The following CCDC93 variants were observed in gnomAD, a reference collection of about 807,000 sequenced individuals.
The protein encoded by CCDC93 is coiled-coil domain-containing protein 93.
In CCDC93, 61 loss-of-function variants were observed where a neutral mutation model predicts 108.2. That is an observed-to-expected ratio of 0.56 (90% CI 0.46 to 0.70). The LOEUF is 0.70. Ranked by LOEUF, CCDC93 falls within the 30% of genes least tolerant of loss-of-function variation. The probability of loss-of-function intolerance (pLI) is 0.00; values close to 1 mark genes in which losing one functional copy is unlikely to be tolerated. For synonymous variants in CCDC93, 276 were observed against 260.4 expected (o/e 1.06, Z -0.58); for missense variants, 685 against 764.2 (o/e 0.90, Z 1.22).
At chr2:117,969,904 T>G (rs1203325635) in intron 11 of CCDC93, among the ~76,000 whole-genome samples, 1 of 152,178 alleles carries the variant, frequency 6.6e-6, no homozygotes, top group Non-Finnish European at 1.5e-5. Flanking sequence ...CCCACTTCCT[T>G]GAACCCTCCT....
chr2:117,980,386 G>C (rs893380018), intron 7 of CCDC93, among the ~76,000 whole-genome samples: 1 of 152,170 alleles, frequency 6.6e-6, no homozygotes, highest in African/African-American at 2.4e-5. Context: ...AGTCTGTGGA[G>C]ACTTTTAGGG....
chr2:117,971,909 C>T (rs1393592010), intron 11 of CCDC93, among the ~76,000 whole-genome samples: 1 of 152,174 alleles, frequency 6.6e-6, no homozygotes, highest in East Asian at 1.9e-4. Context: ...ACTACCTACC[C>T]AATGAAAACA....
chr2:117,957,420 C>G (rs1036172126), intron 12 of CCDC93, among the ~76,000 whole-genome samples: 2 of 152,106 alleles, frequency 1.3e-5, no homozygotes, highest in Non-Finnish European at 2.9e-5. Flanking sequence ...TAAAAATGAT[C>G]AAGTTTCCTC....
At chr2:117,989,392 T>C (rs1165134744) in intron 6 of CCDC93, among the ~76,000 whole-genome samples, 1 of 152,146 alleles carries the variant, frequency 6.6e-6, no homozygotes, top group Non-Finnish European at 1.5e-5. Flanking sequence ...TCTCATGGTA[T>C]AAGGGACTCC....
At chr2:117,996,638 T>C (rs1680660581) in intron 4 of CCDC93, 2 of 274,188 alleles carry the variant, frequency 7.3e-6, no homozygotes. Context: ...TGTAAAAGTA[T>C]ATCAGTTCCC....
rs1009849371 is a variant in CCDC93 at position 117,939,936 on chromosome 2, C to T, written c.1523-825G>A. On this transcript the variant is annotated intron_variant, in intron 19 of 23. Coordinates refer to ENST00000376300, the MANE Select transcript of CCDC93 (RefSeq NM_019044.5). The stretch of plus-strand genomic sequence containing the variant: ...CTGGGTGAAGTGGGCCAAGACGATG[C>T]AGGACTTAGTATTGTGTATTTAGGA... Among the ~76,000 whole-genome samples, 82 of 152,140 alleles carry T rather than the reference C, an allele frequency of 5.4e-4. 1 individual carries two copies. The highest frequency in any genetic ancestry group is 1.0e-4 in the Non-Finnish European group (7 of 68,032).
chr2:117,920,331 G>A lies in CCDC93; in HGVS notation c.*12C>T, dbSNP rs761486062. ...AGTAAAATCAATGACATACAGCCACGGCTGGGGATGTTCAGGAGGCCTTCG... is the reference window on the plus strand; with the variant it reads ...AGTAAAATCAATGACATACAGCCACAGCTGGGGATGTTCAGGAGGCCTTCG... On this transcript the variant is annotated 3_prime_UTR_variant, in exon 24 of 24. Coordinates refer to ENST00000376300, the MANE Select transcript of CCDC93 (RefSeq NM_019044.5). The A allele has an allele frequency of 1.0e-5, 16 of 1,605,422 alleles. No homozygotes were observed. The Middle Eastern group carries it at 6.6e-4, about 66-fold the overall frequency.
chr2:118,004,919 A>G (rs1198776783), intron 3 of CCDC93, among the ~76,000 whole-genome samples: 2 of 152,204 alleles, frequency 1.3e-5, no homozygotes, highest in Non-Finnish European at 2.9e-5. Flanking sequence ...TAAGGGATAC[A>G]TATTATATAT....
At chr2:118,009,141 C>A (rs571903665) in intron 1 of CCDC93, among the ~76,000 whole-genome samples, 1 of 152,224 alleles carries the variant, frequency 6.6e-6, no homozygotes, top group African/African-American at 2.4e-5. Context: ...GAGGCTGAGG[C>A]GGGCGGATCA....
At chr2:117,971,986 T>G (rs1434702151) in intron 11 of CCDC93, among the ~76,000 whole-genome samples, 1 of 152,238 alleles carries the variant, frequency 6.6e-6, no homozygotes, top group Middle Eastern at 3.2e-3. Flanking sequence ...CAGTCATCTC[T>G]TAGTATATGT....
intron 2 of CCDC93, among the ~76,000 whole-genome samples, chr2:118,007,437 T>C (rs6542420): frequency 0.97 from 147,554 of 152,222 alleles, 71,702 homozygotes; most frequent in Middle Eastern, 1. Context: ...TTTGGGAGGC[T>C]GAGGCGGGTG....
intron 23 of CCDC93, among the ~76,000 whole-genome samples, chr2:117,930,453 C>T (rs1012119052): frequency 2.0e-5 from 3 of 152,126 alleles, no homozygotes; most frequent in African/African-American, 4.8e-5. Context: ...CAGGGAAAAC[C>T]GAAATTCAGT....
chr2:117,991,532 A>G (rs1014343353), intron 6 of CCDC93, among the ~76,000 whole-genome samples: 1 of 152,214 alleles, frequency 6.6e-6, no homozygotes, highest in African/African-American at 2.4e-5. Flanking sequence ...CTCTGCAGCT[A>G]CACAGGGAAT....
intron 11 of CCDC93, among the ~76,000 whole-genome samples, chr2:117,963,800 G>GT (rs1325849641): frequency 6.6e-6 from 1 of 152,156 alleles, no homozygotes; most frequent in Non-Finnish European, 1.5e-5. Context: ...AAATTCAACA[G>GT]TTTTTTCATT....
At chr2:118,002,650 C>A (rs1676737685) in intron 3 of CCDC93, among the ~76,000 whole-genome samples, 1 of 152,122 alleles carries the variant, frequency 6.6e-6, no homozygotes, top group South Asian at 2.1e-4. Flanking sequence ...GTATCTTCCT[C>A]CTAGGAGGGA....
At chr2:117,949,717 G>T in intron 13 of CCDC93, 1 of 978,014 alleles carries the variant, frequency 1.0e-6, no homozygotes, top group Non-Finnish European at 1.2e-6. Flanking sequence ...AAAAAAAAAA[G>T]TTTTAAAAAA....
chr2:117,952,186 G>C (rs1477970827), intron 13 of CCDC93, among the ~76,000 whole-genome samples, 187 bp downstream of exon 13: 2 of 151,728 alleles, frequency 1.3e-5, no homozygotes, highest in African/African-American at 4.8e-5. Flanking sequence ...TGCAGTGTGG[G>C]CAAACTGATG....
At chr2:117,953,728 C>A (rs1335141563) in intron 12 of CCDC93, among the ~76,000 whole-genome samples, 20 of 132,224 alleles carry the variant, frequency 1.5e-4, no homozygotes, top group East Asian at 6.8e-4. Flanking sequence ...CTGCTGTCTC[C>A]AAAAAAAAAA....
intron 19 of CCDC93, 34 bp from the exon 20 acceptor site, chr2:117,939,145 A>C: frequency 7.3e-7 from 1 of 1,371,652 alleles, no homozygotes; most frequent in Non-Finnish European, 1.0e-6. Context: ...CACGAATAAG[A>C]ACAGGTATCA....
Sources: allele counts gnomAD v4.1 joint callset (sites outside exome capture counted in the v4.1 genomes callset), GRCh38; gene constraint gnomAD v4.1.1; transcripts MANE v1.5; gene names NCBI Gene and HGNC (gene_info 2026-07-23, HGNC 2026-07-21).